TBC1D19: variants seen among roughly 807,000 people sequenced by gnomAD.
TBC1D19 encodes TBC1 domain family, member 19.
Under a neutral mutation model 89.0 loss-of-function variants are expected in TBC1D19, and 60 were observed. That is an observed-to-expected ratio of 0.67 (90% CI 0.55 to 0.84). The LOEUF is 0.84. TBC1D19 is among the 40% of genes least tolerant of loss of function. The pLI, the probability that TBC1D19 is intolerant of heterozygous loss-of-function variation, is 0.00. For missense variants in TBC1D19, 500 were observed against 610.8 expected, an observed-to-expected ratio of 0.82 and a Z score of 1.91; for synonymous variants, 189 against 199.7, an observed-to-expected ratio of 0.95 and a Z score of 0.45.
chr4:26,741,316 A>G (rs1490697693), intron 17 of TBC1D19, among the ~76,000 whole-genome samples: 2 of 140,738 alleles, frequency 1.4e-5, no homozygotes, highest in Admixed American at 7.6e-5. Context: ...AGATTGCGCC[A>G]CTACAGTCCG....
At chr4:26,772,302 C>A in the TBC1D19 span, among the ~76,000 whole-genome samples, 1 of 152,164 alleles carries the variant, frequency 6.6e-6, no homozygotes, top group African/African-American at 2.4e-5. Context: ...CCTCACCAGA[C>A]TTGGTGCACA....
chr4:26,748,416 G>A lies in TBC1D19; in HGVS notation c.1325G>A (p.Arg442His), dbSNP rs765803995. ...HLREIGAQPL[R>H]ISFKWMVRAF... is the part of the protein sequence containing the mutation. ...TTATTTTTCCTTGCTTATAGACTTCGCATATCATTTAAGTGGATGGTTCGA... is the reference window on the plus strand; with the variant it reads ...TTATTTTTCCTTGCTTATAGACTTCACATATCATTTAAGTGGATGGTTCGA... Residue 442 changes from arginine to histidine, a missense_variant, in exon 19 of 21, where the codon CGC (arginine) becomes CAC (histidine). Arg to His is a conservative substitution (Grantham distance 29, BLOSUM62 0). Transcript: ENST00000264866. 49 of 1,610,558 alleles carry A rather than the reference G, an allele frequency of 3.0e-5. No individual in the cohort carries two copies. Among genetic ancestry groups the A allele is most frequent in the Middle Eastern group, 1.6e-4 (1 of 6,074 alleles).
the TBC1D19 span, among the ~76,000 whole-genome samples, chr4:26,802,805 A>G: frequency 2.6e-5 from 4 of 152,234 alleles, no homozygotes; most frequent in Non-Finnish European, 5.9e-5. Flanking sequence ...ATAACAAAAT[A>G]CCATAGACTG....
Position 26,638,848 on chromosome 4 carries a change from T to G in TBC1D19, c.433+14T>G. 1.9e-6 allele frequency: 3 copies of G among 1,595,374 alleles called. No individual in the cohort carries two copies. The highest frequency in any genetic ancestry group is 1.7e-4 in the Middle Eastern group (1 of 5,990). On this transcript the variant is annotated intron_variant, in intron 6 of 20. Transcript: ENST00000264866. ...CTGATGAACCAGGTATGTGAACAAT[T>G]TTTTCTGAATGTAGTAGTGGAAAAA...
chr4:26,595,541 T>C (rs1740153574), intron 1 of TBC1D19, among the ~76,000 whole-genome samples: 1 of 152,202 alleles, frequency 6.6e-6, no homozygotes, highest in Non-Finnish European at 1.5e-5. Flanking sequence ...ATGTCTTATA[T>C]TTCTATGTGT....
At chr4:26,772,502 A>C in the TBC1D19 span, among the ~76,000 whole-genome samples, 1 of 151,738 alleles carries the variant, frequency 6.6e-6, no homozygotes, top group Non-Finnish European at 1.5e-5. Context: ...CATGTGCAGG[A>C]TGTGATGTTT....
At chr4:26,820,701 G>A in the TBC1D19 span, among the ~76,000 whole-genome samples, 77 of 152,256 alleles carry the variant, frequency 5.1e-4, 4 homozygotes, top group East Asian at 0.013. Context: ...CACAGAAGTG[G>A]GATTGCTGGA....
chr4:26,850,589 G>A, the TBC1D19 span, among the ~76,000 whole-genome samples: 1 of 144,772 alleles, frequency 6.9e-6, no homozygotes, highest in East Asian at 2.0e-4. Context: ...AAAGAAAAAG[G>A]GGAAATTTAG....
At chr4:26,603,181 TGCCA>T (rs1256130219) in intron 1 of TBC1D19, among the ~76,000 whole-genome samples, 1 of 152,240 alleles carries the variant, frequency 6.6e-6, no homozygotes, top group Non-Finnish European at 1.5e-5. Context: ...AACTTGTCTC[TGCCA>T]CTGTGAACTT....
At chr4:26,709,926 A>G (rs1716031274) in intron 13 of TBC1D19, among the ~76,000 whole-genome samples, 1 of 152,038 alleles carries the variant, frequency 6.6e-6, no homozygotes, top group Non-Finnish European at 1.5e-5. Context: ...TTAGATCCCA[A>G]GCCCATACAG....
At chr4:26,706,516 C>T (rs1285889527) in intron 13 of TBC1D19, among the ~76,000 whole-genome samples, 1 of 152,002 alleles carries the variant, frequency 6.6e-6, no homozygotes, top group Non-Finnish European at 1.5e-5. Flanking sequence ...TTTTCCTATT[C>T]TCCATTTCAT....
chr4:26,633,641 T>C (rs926883714), intron 4 of TBC1D19, among the ~76,000 whole-genome samples: 2 of 152,158 alleles, frequency 1.3e-5, no homozygotes, highest in Non-Finnish European at 1.5e-5. Context: ...AATGGTAGAA[T>C]TAGCCTATTT....
At chr4:26,728,876 G>A (rs751050816) in intron 15 of TBC1D19, among the ~76,000 whole-genome samples, 36 of 152,182 alleles carry the variant, frequency 2.4e-4, no homozygotes, top group Non-Finnish European at 3.7e-4. Flanking sequence ...TTAGCCGGGC[G>A]TGATGGCGGG....
chr4:26,713,154 ATTATC>A (rs1716316018), intron 13 of TBC1D19, among the ~76,000 whole-genome samples: 1 of 152,004 alleles, frequency 6.6e-6, no homozygotes, highest in Non-Finnish European at 1.5e-5. Flanking sequence ...AATTCACATG[ATTATC>A]TTAATAGACG....
intron 13 of TBC1D19, among the ~76,000 whole-genome samples, chr4:26,690,695 C>G (rs1357401691): frequency 1.3e-5 from 2 of 152,202 alleles, no homozygotes; most frequent in African/African-American, 4.8e-5. Flanking sequence ...ACTGTTGAAG[C>G]CTACTATTCA....
chr4:26,642,941 A>T (rs1196099902), intron 7 of TBC1D19, among the ~76,000 whole-genome samples: 1 of 152,190 alleles, frequency 6.6e-6, no homozygotes, highest in East Asian at 1.9e-4. Context: ...AAGTCCTGAG[A>T]CACCTAAAAA....
intron 15 of TBC1D19, among the ~76,000 whole-genome samples, chr4:26,722,776 T>C (rs1717061099): frequency 6.6e-6 from 1 of 152,226 alleles, no homozygotes; most frequent in African/African-American, 2.4e-5. Flanking sequence ...ATGTGTTAAG[T>C]ATATGACATA....
At chr4:26,784,978 G>A in the TBC1D19 span, among the ~76,000 whole-genome samples, 1 of 152,110 alleles carries the variant, frequency 6.6e-6, no homozygotes, top group Admixed American at 6.5e-5. Context: ...GGTGCCACAC[G>A]CCATGCTAAG....
intron 1 of TBC1D19, among the ~76,000 whole-genome samples, chr4:26,596,455 C>CGT (rs35226421): frequency 0.067 from 9,727 of 144,956 alleles, 460 homozygotes; most frequent in African/African-American, 0.13. Context: ...AATGGTAACT[C>CGT]GTGTGTGTGT....
Sources: allele counts gnomAD v4.1 joint callset (sites outside exome capture counted in the v4.1 genomes callset), GRCh38; gene constraint gnomAD v4.1.1; transcripts MANE v1.5; gene names NCBI Gene and HGNC (gene_info 2026-07-23, HGNC 2026-07-21).